GADL1: variants seen among roughly 807,000 people sequenced by gnomAD.
The protein encoded by GADL1 is acidic amino acid decarboxylase GADL1.
A neutral mutation model predicts 69.5 loss-of-function variants in GADL1; 71 were observed. The observed-to-expected ratio is 1.02, with a 90% CI of 0.84 to 1.25. The LOEUF (loss-of-function observed/expected upper bound fraction) is 1.25. Among genes scored for constraint, GADL1 ranks in the 50% most tolerant of loss-of-function variants. The pLI is 0.00. For missense variants in GADL1, 737 were observed against 631.8 expected (o/e 1.17, Z -1.79); for synonymous variants, 254 against 214.4 (o/e 1.18, Z -1.62).
In GADL1 at chr3:30,834,274, C is replaced by T. The variant is rs1697837607; in HGVS notation, c.911G>A (p.Trp304Ter). 6.2e-7 allele frequency: 1 copy of T among 1,612,196 alleles called. No homozygotes were observed. The highest frequency in any genetic ancestry group is 1.3e-5 in the African/African-American group (1 of 74,780). ...CCTCGACATCAAAGCTGAGCCACCC[C>T]AAGAAGCCTGTTGAGATATTTACAG... ...HSLWLHVDAS[W>*]GGSALMSRKH... Residue 304 changes from tryptophan (W) to a stop codon, truncating the protein, a stop_gained, in exon 10 of 15, where the codon TGG (tryptophan) becomes TAG (stop). Transcript: ENST00000282538. LOFTEE classifies it high-confidence loss of function.
rs753008035 is a variant in GADL1 at position 30,833,835 on chromosome 3, C to A, written c.1050+18G>T. 2 of 1,588,908 alleles carry A rather than the reference C, an allele frequency of 1.3e-6. No homozygotes were observed. The highest frequency in any genetic ancestry group is 4.5e-5 in the East Asian group (2 of 44,630). On this transcript the variant is annotated intron_variant, in intron 11 of 14. Transcript: ENST00000282538. Reference sequence around the variant, plus strand: ...TTAACCCCCTTGAAGCCCAAAGGACCACAAGAGGAAAACTTACAGATTTGT... The same window carrying A: ...TTAACCCCCTTGAAGCCCAAAGGACAACAAGAGGAAAACTTACAGATTTGT...
rs1432029853 is a variant in GADL1 at position 30,727,496 on chromosome 3, G to T, written c.*746C>A. On this transcript the variant is annotated 3_prime_UTR_variant, in exon 15 of 15. Coordinates refer to ENST00000282538, the MANE Select transcript of GADL1 (RefSeq NM_207359.3). ...AACTTTTGAGATAAACATTCAGCCT[G>T]CATAAAACATAAATCTCTATGAAGT... 4 of 151,378 alleles carry T rather than the reference G, an allele frequency of 2.6e-5. No individual in the cohort carries two copies. Among genetic ancestry groups the T allele is most frequent in the African/African-American group, 9.7e-5 (4 of 41,232 alleles). The allele number at this position is 151,378 out of a possible 1,614,324, so 9.4% of individuals were successfully genotyped here.
chr3:30,801,193 G>T, intron 11 of GADL1, 105 bp from the exon 12 acceptor site: 1 of 800,236 alleles, frequency 1.2e-6, no homozygotes, highest in Non-Finnish European at 2.0e-6. Context: ...CCTGTGCCAA[G>T]TGTACATCTC....
At chr3:30,763,508 G>GGGGGTGGGGGT (rs1430321518) in intron 14 of GADL1, among the ~76,000 whole-genome samples, 1,368 of 93,302 alleles carry the variant, frequency 0.015, 43 homozygotes, top group African/African-American at 0.058. Flanking sequence ...TCTCGGCGGC[G>GGGGGTGGGGGT]GGGGGTGGGG....
At position 30,778,279 on chromosome 3, in the gene GADL1, G is replaced by A; in HGVS notation, c.1303-11C>T. ...ATTGGCATATTCAGGCTGAGAATTA[G>A]AAAAAATATAAAGTTGTTATCTTAA... is the stretch of plus-strand genomic sequence containing the variant. On this transcript the variant is annotated splice_polypyrimidine_tract_variant and intron_variant, in intron 13 of 14. Transcript: ENST00000282538. 6.5e-7 allele frequency: 1 copy of A among 1,532,662 alleles called. No homozygotes were observed. 94.9% of individuals were successfully genotyped at this position (1,532,662 alleles called of 1,614,324 possible).
rs867837139 is a variant in GADL1, at chr3:30,824,307, T to C, written c.1050+9546A>G. On this transcript the variant is annotated intron_variant, in intron 11 of 14. Coordinates refer to ENST00000282538, the MANE Select transcript of GADL1 (RefSeq NM_207359.3). ...AAAAAATTAATTAGAAAAAGAAAAATATCACCAAAGTATTGAAAGAAAATT... is the reference window on the plus strand; with the variant it reads ...AAAAAATTAATTAGAAAAAGAAAAACATCACCAAAGTATTGAAAGAAAATT... Among the ~76,000 whole-genome samples the C allele has an allele frequency of 8.0e-5, 12 of 149,984 alleles. No individual in the cohort carries two copies. In the South Asian group the frequency reaches 1.7e-3, roughly 21 times the overall value.
chr3:30,858,346 A>T (rs1698260323), intron 2 of GADL1, among the ~76,000 whole-genome samples: 2 of 152,066 alleles, frequency 1.3e-5, no homozygotes, highest in Non-Finnish European at 2.9e-5. Context: ...GAATGAAAGG[A>T]TCATATTTGT....
At chr3:30,825,199 A>G (rs1485722447) in intron 11 of GADL1, among the ~76,000 whole-genome samples, 1 of 151,830 alleles carries the variant, frequency 6.6e-6, no homozygotes, top group Non-Finnish European at 1.5e-5. Context: ...TTATTTTCTG[A>G]TATTTTTTCT....
intron 4 of GADL1, among the ~76,000 whole-genome samples, chr3:30,853,733 T>C (rs996232847): frequency 6.6e-6 from 1 of 152,156 alleles, no homozygotes. Flanking sequence ...TTTCAAGCTG[T>C]GTATCCCATC....
intron 14 of GADL1, among the ~76,000 whole-genome samples, chr3:30,768,072 GTTAGA>G (rs1696326814): frequency 7.2e-6 from 1 of 139,674 alleles, no homozygotes; most frequent in African/African-American, 2.8e-5. Context: ...CCCAATGTTA[GTTAGA>G]TTGAAGCTTG....
chr3:30,843,289 T>C (rs1168742130), intron 8 of GADL1, among the ~76,000 whole-genome samples: 2 of 147,486 alleles, frequency 1.4e-5, no homozygotes, highest in East Asian at 4.0e-4. Context: ...GGAGTCTTAC[T>C]CTGTCTCTCA....
At chr3:30,771,275 C>T (rs1052113990) in intron 14 of GADL1, among the ~76,000 whole-genome samples, 2 of 152,150 alleles carry the variant, frequency 1.3e-5, no homozygotes, top group African/African-American at 4.8e-5. Flanking sequence ...GGCTTCTTGA[C>T]CCTTAGTTGC....
At chr3:30,859,515 G>A (rs965659955) in intron 2 of GADL1, among the ~76,000 whole-genome samples, 1 of 151,838 alleles carries the variant, frequency 6.6e-6, no homozygotes, top group Non-Finnish European at 1.5e-5. Context: ...GAGGAAAGGG[G>A]AGGATTGATT....
At chr3:30,834,954 T>C (rs1418727925) in intron 9 of GADL1, among the ~76,000 whole-genome samples, 3 of 152,094 alleles carry the variant, frequency 2.0e-5, no homozygotes, top group African/African-American at 7.2e-5. Flanking sequence ...GTCAGTATGC[T>C]TCTTGAAAAT....
At chr3:30,792,177 G>A (rs970411107) in intron 12 of GADL1, among the ~76,000 whole-genome samples, 14 of 152,198 alleles carry the variant, frequency 9.2e-5, no homozygotes, top group African/African-American at 1.9e-4. Context: ...ACTGTGATCC[G>A]TGGTATACCA....
At chr3:30,756,491 A>G (rs551583107) in intron 14 of GADL1, among the ~76,000 whole-genome samples, 37 of 152,290 alleles carry the variant, frequency 2.4e-4, no homozygotes, top group African/African-American at 8.7e-4. Flanking sequence ...TGAAGTTCCT[A>G]CTATCAACAG....
intron 12 of GADL1, among the ~76,000 whole-genome samples, chr3:30,793,092 T>C (rs951362): frequency 0.82 from 125,504 of 152,150 alleles, 52,040 homozygotes; most frequent in African/African-American, 0.9. Flanking sequence ...AGGAATAATA[T>C]AGTAGTTAGC....
intron 14 of GADL1, 32 bp downstream of exon 14, chr3:30,778,147 A>G: frequency 1.6e-6 from 2 of 1,276,732 alleles, no homozygotes; most frequent in Non-Finnish European, 2.3e-6. Flanking sequence ...CTACTTCATC[A>G]AAAAGAAAAA....
At chr3:30,848,850 G>T (rs2125531088) in intron 6 of GADL1, among the ~76,000 whole-genome samples, 1 of 152,246 alleles carries the variant, frequency 6.6e-6, no homozygotes, top group Non-Finnish European at 1.5e-5. Flanking sequence ...AGCAACTACT[G>T]CGTGGTTGCT....
Sources: allele counts gnomAD v4.1 joint callset (sites outside exome capture counted in the v4.1 genomes callset), GRCh38; gene constraint gnomAD v4.1.1; transcripts MANE v1.5; gene names NCBI Gene and HGNC (gene_info 2026-07-23, HGNC 2026-07-21).